Variants in NOVA1 observed in about 807,000 individuals in gnomAD.
The protein encoded by NOVA1 is NOVA alternative splicing regulator 1, also known as RNA-binding protein Nova-1.
In NOVA1, 7 loss-of-function variants were observed where a neutral mutation model predicts 38.0. That is an observed-to-expected ratio of 0.18 (90% CI 0.10 to 0.35). The LOEUF is 0.35. NOVA1 is among the 10% of genes least tolerant of loss of function. The pLI is 1.00. For synonymous variants in NOVA1, 270 were observed against 232.5 expected (o/e 1.16, Z -1.47); for missense variants, 460 against 616.0 (o/e 0.75, Z 2.68).
chr14:26,534,146 TATGA>T (rs1889914262), intron 2 of NOVA1, among the ~76,000 whole-genome samples: 1 of 152,170 alleles, frequency 6.6e-6, no homozygotes, highest in African/African-American at 2.4e-5. Context: ...TACACAAATG[TATGA>T]ATGAAGACGT....
chr14:26,506,711 C>A (rs573003720), intron 2 of NOVA1, among the ~76,000 whole-genome samples: 2 of 152,224 alleles, frequency 1.3e-5, no homozygotes, highest in East Asian at 3.9e-4. Context: ...TCCCAAGTAG[C>A]TGGGACTACA....
intron 2 of NOVA1, among the ~76,000 whole-genome samples, chr14:26,508,924 C>T (rs909654681): frequency 1.1e-4 from 17 of 150,684 alleles, no homozygotes; most frequent in African/African-American, 3.9e-4. Flanking sequence ...GCAAACTAGC[C>T]CATCTAGGAT....
chr14:26,483,601 T>C (rs1212097582), intron 2 of NOVA1, among the ~76,000 whole-genome samples: 1 of 152,182 alleles, frequency 6.6e-6, no homozygotes, highest in African/African-American at 2.4e-5. Flanking sequence ...AACCAAACAT[T>C]ATATGCTTCT....
chr14:26,501,152 C>T (rs973793951), intron 2 of NOVA1, among the ~76,000 whole-genome samples: 10 of 151,894 alleles, frequency 6.6e-5, no homozygotes, highest in East Asian at 5.8e-4. Context: ...CATAATTTTA[C>T]GAAGGTAGCA....
Position 26,597,321 on chromosome 14 carries a change from GTGCTGCC to G in NOVA1, c.109_115del (p.Gly37ProfsTer14). On this transcript the variant is annotated frameshift_variant, in exon 1 of 5. Coordinates refer to ENST00000539517, the MANE Select transcript of NOVA1 (RefSeq NM_002515.3). LOFTEE classifies it high-confidence loss of function. The stretch of plus-strand genomic sequence containing the variant: ...CCCACCGCCCGTATTGGTCCTCTTG[GTGCTGCC>G]GGCTTCAGGGGGGGCTTCCAGCGGC... 8.0e-7 allele frequency: 1 copy of G among 1,254,768 alleles called. No individual in the cohort carries two copies. The highest frequency in any genetic ancestry group is 3.0e-5 in the East Asian group (1 of 32,836). The allele number at this position is 1,254,768 out of a possible 1,614,324, so 77.7% of individuals were successfully genotyped here.
At chr14:26,470,195 A>G in intron 4 of NOVA1, 1 of 960,776 alleles carries the variant, frequency 1.0e-6, no homozygotes, top group Non-Finnish European at 1.4e-6. Context: ...TTAGCTTAAG[A>G]TGATCATATT....
intron 2 of NOVA1, among the ~76,000 whole-genome samples, chr14:26,484,457 A>AC (rs1885723835): frequency 6.8e-5 from 7 of 102,584 alleles, no homozygotes; most frequent in Admixed American, 1.2e-4. Context: ...AAAAAAAAAA[A>AC]AAAAAGAAAT....
chr14:26,559,281 T>TA (rs1328308576), intron 2 of NOVA1, among the ~76,000 whole-genome samples: 1 of 152,118 alleles, frequency 6.6e-6, no homozygotes, highest in African/African-American at 2.4e-5. Context: ...AGAGTCTCGT[T>TA]AAAGTCCGTT....
intron 2 of NOVA1, among the ~76,000 whole-genome samples, chr14:26,560,493 A>G (rs1891756604): frequency 6.6e-6 from 1 of 152,092 alleles, no homozygotes; most frequent in Non-Finnish European, 1.5e-5. Context: ...CCTCGTTTTG[A>G]GATTTTTATC....
intron 2 of NOVA1, among the ~76,000 whole-genome samples, chr14:26,556,329 C>T (rs1891477387): frequency 6.6e-6 from 1 of 151,924 alleles, no homozygotes; most frequent in Admixed American, 6.6e-5. Flanking sequence ...ATAAAGAAAG[C>T]CCAGAAACAA....
chr14:26,460,422 C>T (rs571609881), intron 4 of NOVA1, among the ~76,000 whole-genome samples: 1 of 151,936 alleles, frequency 6.6e-6, no homozygotes, highest in South Asian at 2.1e-4. Context: ...TATAATATTT[C>T]ATAAATCATA....
In NOVA1 at chr14:26,545,992, A is replaced by C. The variant is rs147170291; in HGVS notation, c.280+49418T>G. 2.0e-3 allele frequency among the ~76,000 whole-genome samples: 297 copies of C among 152,248 alleles called. 1 individual carries two copies. Among genetic ancestry groups the C allele is most frequent in the African/African-American group, 6.9e-3 (285 of 41,574 alleles). ...TACATTTAAAATTTTCAATGAATTC[A>C]ATTTATATTGAAAAATAACTGCAAA... On this transcript the variant is annotated intron_variant, in intron 2 of 4. Transcript: ENST00000539517.
intron 2 of NOVA1, among the ~76,000 whole-genome samples, chr14:26,573,489 A>G (rs920780812): frequency 9.2e-5 from 14 of 152,158 alleles, no homozygotes; most frequent in African/African-American, 2.9e-4. Flanking sequence ...TATAAAGCCA[A>G]AGAGAAAGAT....
At chr14:26,470,239 C>A in intron 4 of NOVA1, 1 of 1,143,696 alleles carries the variant, frequency 8.7e-7, no homozygotes, top group South Asian at 1.9e-5. Flanking sequence ...TATATACTTC[C>A]AGATATAAGT....
At chr14:26,488,477 C>G (rs190797383) in intron 2 of NOVA1, among the ~76,000 whole-genome samples, 1 of 152,158 alleles carries the variant, frequency 6.6e-6, no homozygotes, top group East Asian at 1.9e-4. Flanking sequence ...TTCTGAAGAA[C>G]CCTGAAAACA....
chr14:26,597,184 G>A lies in NOVA1; in HGVS notation c.136+117C>T, dbSNP rs1019715395. Reference sequence around the variant, plus strand: ...GCGCAGGGGCCGCCGGGTTCGGGCTGGAGGTGTCCGGGCCGCGGGAGGGAG... The same window carrying A: ...GCGCAGGGGCCGCCGGGTTCGGGCTAGAGGTGTCCGGGCCGCGGGAGGGAG... On this transcript the variant is annotated intron_variant, in intron 1 of 4. Coordinates refer to ENST00000539517, the MANE Select transcript of NOVA1 (RefSeq NM_002515.3). 5.1e-6 allele frequency: 6 copies of A among 1,169,580 alleles called. No individual in the cohort carries two copies. In the African/African-American group the frequency reaches 6.4e-5, roughly 12 times the overall value. 72.5% of individuals were successfully genotyped at this position (1,169,580 alleles called of 1,614,324 possible).
intron 4 of NOVA1, among the ~76,000 whole-genome samples, chr14:26,452,448 G>A (rs2138570901): frequency 6.6e-6 from 1 of 152,266 alleles, no homozygotes; most frequent in South Asian, 2.1e-4. Context: ...AAAAACAGAG[G>A]AGAAGCAAAG....
At chr14:26,465,451 G>A (rs1187967229) in intron 4 of NOVA1, among the ~76,000 whole-genome samples, 3 of 152,146 alleles carry the variant, frequency 2.0e-5, no homozygotes, top group Admixed American at 6.5e-5. Context: ...GATTACAGGC[G>A]TGAGCCACTG....
intron 2 of NOVA1, among the ~76,000 whole-genome samples, chr14:26,553,188 G>A (rs374823550): frequency 3.3e-5 from 5 of 152,244 alleles, no homozygotes; most frequent in Admixed American, 2.0e-4. Context: ...TTTTCCAATC[G>A]CCCAGGGGCT....
Sources: gnomAD v4.1 joint callset for allele counts (sites outside exome capture counted in the v4.1 genomes callset) on GRCh38, gnomAD v4.1.1 for gene constraint, MANE v1.5 for transcripts, NCBI Gene and HGNC (gene_info 2026-07-23, HGNC 2026-07-21) for gene names.